The following MGAM2 variants were observed in gnomAD, a reference collection of about 807,000 sequenced individuals.
MGAM2 encodes the protein maltase-glucoamylase 2 (putative), also known as probable maltase-glucoamylase 2.
Under a neutral mutation model 96.1 loss-of-function variants are expected in MGAM2, and 98 were observed. The observed-to-expected ratio is 1.02, with a 90% confidence interval of 0.87 to 1.21. MGAM2 has a LOEUF of 1.21. MGAM2 is among the 50% of genes most tolerant of loss of function. The pLI, the probability that MGAM2 is intolerant of heterozygous loss-of-function variation, is 0.00. For synonymous variants in MGAM2, 749 were observed against 414.8 expected, an observed-to-expected ratio of 1.81 and a Z score of -9.79; for missense variants, 2,055 against 1,182.4, an observed-to-expected ratio of 1.74 and a Z score of -10.82.
Position 142,218,489 on chromosome 7 carries a change from G to A in MGAM2, c.5316G>A (p.Arg1772=), listed in dbSNP as rs765564026. 4.3e-6 allele frequency: 3 copies of A among 700,324 alleles called. No homozygotes were observed. Among genetic ancestry groups the A allele is most frequent in the Admixed American group, 2.0e-5 (1 of 49,580 alleles). The allele number at this position is 700,324 out of a possible 1,614,324, so 43.4% of individuals were successfully genotyped here. The change falls in exon 47 of 48, where the codon CGG becomes CGA. Residue 1772 remains arginine, a synonymous_variant. Transcript: ENST00000477922. ...VTQVSFTYDN[R]QFMETNFKSE... ...AAGTCAGTTTCACCTATGACAACCG[G>A]CAATTTATGGAGACAAATTTCAAGA...
At chr7:142,141,184 G>A (rs372880930) in intron 12 of MGAM2, 65 bp downstream of exon 12, 2 of 672,988 alleles carry the variant, frequency 3.0e-6, no homozygotes. Context: ...TTGGTACGAA[G>A]ATGAGTGAAA....
At chr7:142,172,811 C>T (rs930951335) in intron 30 of MGAM2, 47 bp downstream of exon 30, 3 of 663,618 alleles carry the variant, frequency 4.5e-6, no homozygotes, top group African/African-American at 3.6e-5. Context: ...TATTTATTGG[C>T]TATTACCACA....
intron 27 of MGAM2, 62 bp from the exon 28 acceptor site, chr7:142,171,210 C>T (rs1436863037): frequency 4.3e-6 from 3 of 700,398 alleles, no homozygotes; most frequent in Non-Finnish European, 5.2e-6. Flanking sequence ...ACATTCCAAA[C>T]ACGTTCCAAG....
intron 19 of MGAM2, among the ~76,000 whole-genome samples, chr7:142,158,888 G>T (rs5024722): frequency 6.6e-6 from 1 of 151,948 alleles, no homozygotes; most frequent in African/African-American, 2.4e-5. Context: ...AATATTGCCA[G>T]TGTAGCCATG....
chr7:142,140,413 T>C (rs555508044), intron 10 of MGAM2, among the ~76,000 whole-genome samples: 1 of 152,338 alleles, frequency 6.6e-6, no homozygotes, highest in African/African-American at 2.4e-5. Context: ...ATATGATATA[T>C]TCTGGCTTGA....
At chr7:142,145,062 T>TCG (rs1262624501) in intron 14 of MGAM2, 117 bp downstream of exon 14, 3 of 608,072 alleles carry the variant, frequency 4.9e-6, no homozygotes, top group Non-Finnish European at 8.8e-6. Flanking sequence ...CTCCTAAACA[T>TCG]CCTGAGCACT....
rs529228710 is a variant in MGAM2 at position 142,222,214 on chromosome 7, C to T, written c.*155C>T. 2.5e-6 allele frequency: 1 copy of T among 394,384 alleles called. No individual in the cohort carries two copies. The highest frequency in any genetic ancestry group is 3.6e-5 in the East Asian group (1 of 27,938). 24.4% of individuals were successfully genotyped at this position (394,384 alleles called of 1,614,324 possible). A position where few individuals can be genotyped will look rare whatever the true frequency, so the allele number is the denominator to read the frequency against. On this transcript the variant is annotated 3_prime_UTR_variant, in exon 48 of 48. Coordinates refer to ENST00000477922, the MANE Select transcript of MGAM2 (RefSeq NM_001293626.2). ...CCATAAAAGACACAGCTACTCCAAA[C>T]ACTCTCGTCATTGCAGACATGTTTA...
chr7:142,157,834 A>T, intron 17 of MGAM2, 103 bp from the exon 18 acceptor site: 1 of 641,330 alleles, frequency 1.6e-6, no homozygotes. Flanking sequence ...GATATTCTCC[A>T]AGTTGGAGGA....
At chr7:142,200,474 T>G (rs1797186671) in intron 45 of MGAM2, among the ~76,000 whole-genome samples, 1 of 152,226 alleles carries the variant, frequency 6.6e-6, no homozygotes, top group Non-Finnish European at 1.5e-5. Context: ...ATTTGTATGT[T>G]TCCTTTCCCC....
chr7:142,209,717 G>A (rs1319001072), intron 46 of MGAM2, among the ~76,000 whole-genome samples: 1 of 151,988 alleles, frequency 6.6e-6, no homozygotes, highest in Non-Finnish European at 1.5e-5. Context: ...TGGTTTCCAG[G>A]TCTGATCATT....
At chr7:142,199,623 A>G (rs1460777923) in intron 44 of MGAM2, among the ~76,000 whole-genome samples, 1 of 152,190 alleles carries the variant, frequency 6.6e-6, no homozygotes, top group East Asian at 1.9e-4. Context: ...TGAAATTAAT[A>G]TTTCATTATA....
chr7:142,159,890 T>C (rs1795838548), intron 20 of MGAM2, among the ~76,000 whole-genome samples: 1 of 152,194 alleles, frequency 6.6e-6, no homozygotes, highest in Non-Finnish European at 1.5e-5. Flanking sequence ...CATTTGGCTG[T>C]GGTAGCCTAG....
intron 33 of MGAM2, among the ~76,000 whole-genome samples, chr7:142,184,172 C>T (rs1408540528): frequency 6.6e-6 from 1 of 151,676 alleles, no homozygotes; most frequent in Non-Finnish European, 1.5e-5. Context: ...GGGGTTTCAC[C>T]ATGTTGGCCA....
rs1796598464 is a variant in MGAM2 at position 142,183,378 on chromosome 7, G to A, written c.3924+5G>A. 2 of 702,188 alleles carry A rather than the reference G, an allele frequency of 2.8e-6. No individual in the cohort carries two copies. Among genetic ancestry groups the A allele is most frequent in the Admixed American group, 2.0e-5 (1 of 49,860 alleles). The allele number at this position is 702,188 out of a possible 1,614,324, so 43.5% of individuals were successfully genotyped here. A position where few individuals can be genotyped will look rare whatever the true frequency, so the allele number is the denominator to read the frequency against. Reference sequence around the variant, plus strand: ...AATGACATTGTCTGGGGAAAGGTAAGGCTTGGGGAAGATGCTTACAGTTAA... The same window carrying A: ...AATGACATTGTCTGGGGAAAGGTAAAGCTTGGGGAAGATGCTTACAGTTAA... On this transcript the variant is annotated splice_donor_5th_base_variant and intron_variant, in intron 33 of 47. Coordinates refer to ENST00000477922, the MANE Select transcript of MGAM2 (RefSeq NM_001293626.2).
intron 3 of MGAM2, among the ~76,000 whole-genome samples, chr7:142,121,680 A>T (rs1794577111): frequency 6.7e-6 from 1 of 149,734 alleles, no homozygotes; most frequent in Non-Finnish European, 1.5e-5. Context: ...TATTATTTTT[A>T]CTTTATATTA....
At chr7:142,122,584 T>A (rs1794611159) in intron 3 of MGAM2, among the ~76,000 whole-genome samples, 1 of 152,246 alleles carries the variant, frequency 6.6e-6, no homozygotes. Context: ...TAGTTTAGTT[T>A]TGCTTGTTGC....
chr7:142,187,128 C>A (rs898685404), intron 35 of MGAM2, among the ~76,000 whole-genome samples: 1 of 152,182 alleles, frequency 6.6e-6, no homozygotes, highest in Non-Finnish European at 1.5e-5. Flanking sequence ...CCCTTAGGAG[C>A]CCCTACTCCT....
At chr7:142,135,836 C>CT (rs145391878) in intron 7 of MGAM2, among the ~76,000 whole-genome samples, 5,519 of 151,588 alleles carry the variant, frequency 0.036, 119 homozygotes, top group Middle Eastern at 0.099. Context: ...CAGTTTTAAG[C>CT]TTTTTTTTAA....
At chr7:142,123,619 T>C (rs1049099448) in intron 3 of MGAM2, among the ~76,000 whole-genome samples, 26 of 152,194 alleles carry the variant, frequency 1.7e-4, no homozygotes, top group Non-Finnish European at 1.2e-4. Flanking sequence ...TGCCTTTTTT[T>C]CTACTGAACT....
Sources: gnomAD v4.1 joint callset for allele counts (sites outside exome capture counted in the v4.1 genomes callset) on GRCh38, gnomAD v4.1.1 for gene constraint, MANE v1.5 for transcripts, NCBI Gene and HGNC (gene_info 2026-07-23, HGNC 2026-07-21) for gene names.